TRHDE: variants seen among roughly 807,000 people sequenced by gnomAD.
TRHDE encodes the protein thyrotropin-releasing hormone-degrading ectoenzyme.
In TRHDE, 72 loss-of-function variants were observed where a neutral mutation model predicts 125.7. That is an observed-to-expected ratio of 0.57 (90% CI 0.47 to 0.70). TRHDE has a LOEUF of 0.70. Among genes scored for constraint, TRHDE ranks in the 30% least tolerant of loss-of-function variants. The pLI is 0.00. For synonymous variants in TRHDE, 509 were observed against 509.1 expected (o/e 1.00, Z 0.00); for missense variants, 1,110 against 1,327.1 (o/e 0.84, Z 2.54).
intron 6 of TRHDE, among the ~76,000 whole-genome samples, chr12:72,525,196 T>C (rs1166158751): frequency 6.6e-6 from 1 of 152,166 alleles, no homozygotes. Context: ...AATTTAATGG[T>C]ATTTTAAAAA....
chr12:72,509,637 C>T (rs1349900814), intron 6 of TRHDE, among the ~76,000 whole-genome samples: 1 of 152,112 alleles, frequency 6.6e-6, no homozygotes. Flanking sequence ...GAATTGACAC[C>T]TTCAGTCTTT....
At chr12:72,504,060 CAG>C (rs1488603339) in intron 6 of TRHDE, among the ~76,000 whole-genome samples, 2 of 152,018 alleles carry the variant, frequency 1.3e-5, no homozygotes. Context: ...GATGCCACCT[CAG>C]AATCTAAGGA....
chr12:72,410,920 C>T (rs1001408362), intron 3 of TRHDE, among the ~76,000 whole-genome samples: 18 of 151,854 alleles, frequency 1.2e-4, no homozygotes, highest in Non-Finnish European at 1.8e-4. Flanking sequence ...AGGCCGGGCC[C>T]GGTGGCTCAC....
chr12:72,461,616 CTT>C (rs77831863), intron 3 of TRHDE, among the ~76,000 whole-genome samples: 14 of 143,348 alleles, frequency 9.8e-5, no homozygotes, highest in Admixed American at 1.4e-4. Context: ...CAAAATACAA[CTT>C]TTTTTTTTTT....
intron 2 of TRHDE, among the ~76,000 whole-genome samples, chr12:72,208,162 C>CT (rs2139359767): frequency 6.6e-6 from 1 of 152,188 alleles, no homozygotes; most frequent in East Asian, 1.9e-4. Context: ...TAATTTCTAC[C>CT]TTCCATATTC....
chr12:72,132,560 A>G (rs1875888876), intron 2 of TRHDE, among the ~76,000 whole-genome samples: 1 of 152,166 alleles, frequency 6.6e-6, no homozygotes, highest in South Asian at 2.1e-4. Context: ...CCTCCTTACA[A>G]TACTCTTGCA....
chr12:72,580,226 G>A (rs1017645545), intron 12 of TRHDE, among the ~76,000 whole-genome samples: 16 of 152,126 alleles, frequency 1.1e-4, no homozygotes, highest in Non-Finnish European at 2.4e-4. Context: ...ATGGTTTTAT[G>A]TACACGGGTT....
chr12:72,554,606 G>A (rs1173652523), intron 7 of TRHDE, among the ~76,000 whole-genome samples: 1 of 152,212 alleles, frequency 6.6e-6, no homozygotes, highest in East Asian at 1.9e-4. Flanking sequence ...TGATTTACAA[G>A]AAGCAGTCCA....
rs1310743769 is a variant in TRHDE, at chr12:72,153,895, G to C, written n.279+48143G>C. On this transcript the variant is annotated intron_variant and non_coding_transcript_variant, in intron 2 of 4. Coordinates refer to the TRHDE transcript ENST00000548156. ...CTGTTGATTTGGGGTGGAGAGTTCT[G>C]TAGATGTCTATTAGGTCCGCTTGGT... is the stretch of plus-strand genomic sequence containing the variant. Among the ~76,000 whole-genome samples, 23 of 152,304 alleles carry C rather than the reference G, an allele frequency of 1.5e-4. No individual in the cohort carries two copies. The East Asian group carries it at 4.2e-3, about 28-fold the overall frequency.
At position 72,532,834 on chromosome 12, in the gene TRHDE, A is replaced by G. The variant is rs1868629609; in HGVS notation, c.1723-9457A>G. On this transcript the variant is annotated intron_variant, in intron 6 of 18. Coordinates refer to ENST00000261180, the MANE Select transcript of TRHDE (RefSeq NM_013381.3). Reference sequence around the variant, plus strand: ...ATATAATATATATTAACTTGTCTTTATATTAGTCTATATTATATATGTGGT... The same window carrying G: ...ATATAATATATATTAACTTGTCTTTGTATTAGTCTATATTATATATGTGGT... Among the ~76,000 whole-genome samples, 3 of 150,452 alleles carry G rather than the reference A, an allele frequency of 2.0e-5. No homozygotes were observed. In the South Asian group the frequency reaches 6.2e-4, roughly 31 times the overall value.
intron 15 of TRHDE, among the ~76,000 whole-genome samples, chr12:72,637,951 G>C (rs1415319863): frequency 6.6e-6 from 1 of 152,076 alleles, no homozygotes; most frequent in African/African-American, 2.4e-5. Flanking sequence ...GAATAGGTGT[G>C]GTGTGGTGCT....
At chr12:72,315,243 A>G (rs1423771362) in intron 2 of TRHDE, among the ~76,000 whole-genome samples, 1 of 152,218 alleles carries the variant, frequency 6.6e-6, no homozygotes, top group Non-Finnish European at 1.5e-5. Context: ...ATAAACTTTT[A>G]CTTTAGACTC....
At chr12:72,170,491 T>G (rs187171213) in intron 2 of TRHDE, among the ~76,000 whole-genome samples, 4 of 152,254 alleles carry the variant, frequency 2.6e-5, no homozygotes, top group African/African-American at 7.2e-5. Context: ...AAGAATCTTT[T>G]TAATACTGAT....
chr12:72,573,321 A>C lies in TRHDE; in HGVS notation c.2132-1934A>C, dbSNP rs117804359. Among the ~76,000 whole-genome samples, 1,170 of 152,086 alleles carry C rather than the reference A, an allele frequency of 7.7e-3. 8 individuals carry two copies. The highest frequency in any genetic ancestry group is 0.018 in the Admixed American group (279 of 15,278). Reference sequence around the variant, plus strand: ...ATCTTTAAAATAGATATGAAATTCTAAATTTTTGCAGCAATTGTTTGAATA... The same window carrying C: ...ATCTTTAAAATAGATATGAAATTCTCAATTTTTGCAGCAATTGTTTGAATA... On this transcript the variant is annotated intron_variant, in intron 10 of 18. Transcript: ENST00000261180.
intron 15 of TRHDE, among the ~76,000 whole-genome samples, chr12:72,629,848 C>A (rs935313345): frequency 6.6e-6 from 1 of 151,292 alleles, no homozygotes; most frequent in Non-Finnish European, 1.5e-5. Context: ...TTTTTGTTTA[C>A]TTTTTCCCCT....
At chr12:72,619,950 C>G (rs912972615) in intron 13 of TRHDE, among the ~76,000 whole-genome samples, 1 of 151,182 alleles carries the variant, frequency 6.6e-6, no homozygotes, top group Non-Finnish European at 1.5e-5. Context: ...TTACTTTAAA[C>G]CTACAGAAAA....
At chr12:72,414,675 T>C (rs1006184890) in intron 3 of TRHDE, among the ~76,000 whole-genome samples, 5 of 152,102 alleles carry the variant, frequency 3.3e-5, no homozygotes, top group Non-Finnish European at 5.9e-5. Flanking sequence ...GTAAAATTGC[T>C]TTCCCTAAAA....
intron 1 of TRHDE, among the ~76,000 whole-genome samples, chr12:72,284,343 A>C (rs1324846522): frequency 2.0e-5 from 3 of 152,166 alleles, no homozygotes; most frequent in Non-Finnish European, 4.4e-5. Context: ...TTCGACTCAT[A>C]AATAAAATCC....
Position 72,666,556 on chromosome 12 carries a change from T to TA in TRHDE, c.*3365dup, listed in dbSNP as rs1364644889. On this transcript the variant is annotated 3_prime_UTR_variant, in exon 19 of 19. Coordinates refer to ENST00000261180, the MANE Select transcript of TRHDE (RefSeq NM_013381.3). Reference sequence around the variant, plus strand: ...GAGTGAGATCCTGTCTCTAAAAAAATAAAATAAAATCACAATGTTTGTTGT... The same window carrying TA: ...GAGTGAGATCCTGTCTCTAAAAAAATAAAAATAAAATCACAATGTTTGTTGT... 2 of 151,900 alleles carry TA rather than the reference T, an allele frequency of 1.3e-5. No homozygotes were observed. The highest frequency in any genetic ancestry group is 4.1e-4 in the South Asian group (2 of 4,820). The allele number at this position is 151,900 out of a possible 1,614,324, so 9.4% of individuals were successfully genotyped here.
Sources: gnomAD v4.1 joint callset for allele counts (sites outside exome capture counted in the v4.1 genomes callset) on GRCh38, gnomAD v4.1.1 for gene constraint, MANE v1.5 for transcripts, NCBI Gene and HGNC (gene_info 2026-07-23, HGNC 2026-07-21) for gene names.